PSMB4: variants seen among roughly 807,000 people sequenced by gnomAD.
PSMB4 encodes proteasome subunit beta type-4.
In PSMB4, 16 loss-of-function variants were observed where a neutral mutation model predicts 35.2. The observed-to-expected ratio is 0.45, with a 90% confidence interval of 0.31 to 0.69. The LOEUF (loss-of-function observed/expected upper bound fraction) is 0.69, where lower values mean the gene tolerates loss of function less well. PSMB4 is among the 30% of genes least tolerant of loss of function. The probability of loss-of-function intolerance (pLI) is 0.06; values close to 1 mark genes in which losing one functional copy is unlikely to be tolerated. For missense variants in PSMB4, 333 were observed against 351.8 expected (o/e 0.95, Z 0.43); for synonymous variants, 144 against 134.1 (o/e 1.07, Z -0.51).
Position 151,399,605 on chromosome 1 carries a change from G to C in PSMB4, c.18G>C (p.Gly6=). 1 of 1,611,928 alleles carries C rather than the reference G, an allele frequency of 6.2e-7. No homozygotes were observed. The highest frequency in any genetic ancestry group is 8.5e-7 in the Non-Finnish European group (1 of 1,179,212). Residue 6 remains glycine (G), a synonymous_variant, in exon 1 of 7, where the codon GGG becomes GGC. Transcript: ENST00000290541. ...TGACTAAGATGGAAGCGTTTTTGGGGTCGCGGTCCGGACTTTGGGCGGGGG... is the reference window on the plus strand; with the variant it reads ...TGACTAAGATGGAAGCGTTTTTGGGCTCGCGGTCCGGACTTTGGGCGGGGG... The part of the protein sequence containing the change: MEAFL[G]SRSGLWAGGP...
rs778252922 is a variant in PSMB4, at chr1:151,401,643, G to GA, written c.782+19dup. 3.8e-6 allele frequency: 6 copies of GA among 1,588,672 alleles called. No homozygotes were observed. In the Admixed American group the frequency reaches 6.7e-5, roughly 18 times the overall value. On this transcript the variant is annotated intron_variant, in intron 6 of 6. Transcript: ENST00000290541. ...CCCACATGATCAGGTGAGTAATAGG[G>GA]AAAAAATTGGTGACAGACTTGGGAG...
rs753700156 is a variant in PSMB4, at chr1:151,400,730, G to A, written c.495-34G>A. 29 of 1,611,360 alleles carry A rather than the reference G, an allele frequency of 1.8e-5. No homozygotes were observed. The East Asian group carries it at 5.8e-4, about 32-fold the overall frequency. Reference sequence around the variant, plus strand: ...CTTCTTCAGCTAAGATGAATCTAAGGTGAAATGAGTTTTGACCCATTGTGT... The same window carrying A: ...CTTCTTCAGCTAAGATGAATCTAAGATGAAATGAGTTTTGACCCATTGTGT... On this transcript the variant is annotated intron_variant, in intron 3 of 6. Transcript: ENST00000290541.
In PSMB4 at chr1:151,400,951, G is replaced by A. The variant is rs7517596; in HGVS notation, c.576+106G>A. 3.0e-3 allele frequency: 3,506 copies of A among 1,164,988 alleles called. 62 individuals are homozygous for A. The African/African-American group carries it at 0.042, about 14-fold the overall frequency. The allele number at this position is 1,164,988 out of a possible 1,614,324, so 72.2% of individuals were successfully genotyped here. A position where few individuals can be genotyped will look rare whatever the true frequency, so the allele number is the denominator to read the frequency against. Reference sequence around the variant, plus strand: ...CTGATATGAGGGATGGGCTGGGATCGCTATTACTGGGCAGATGGTTTTCTT... The same window carrying A: ...CTGATATGAGGGATGGGCTGGGATCACTATTACTGGGCAGATGGTTTTCTT... On this transcript the variant is annotated intron_variant, in intron 4 of 6. Coordinates refer to ENST00000290541, the MANE Select transcript of PSMB4 (RefSeq NM_002796.3).
intron 2 of PSMB4, 68 bp downstream of exon 2, chr1:151,400,255 T>C: frequency 1.3e-6 from 2 of 1,493,584 alleles, no homozygotes; most frequent in Non-Finnish European, 1.9e-6. Flanking sequence ...TTTTATTCCC[T>C]TCGATGGGAT....
Position 151,401,818 on chromosome 1 carries a change from G to A in PSMB4, c.784G>A (p.Gly262Ser), listed in dbSNP as rs1652854857. Residue 262 changes from glycine (G) to serine (S), a missense_variant and splice_region_variant, in exon 7 of 7, where the codon GGC becomes AGC. Physicochemically the swap from Gly to Ser is moderately conservative, Grantham distance 56 (BLOSUM62 0). Coordinates refer to ENST00000290541, the MANE Select transcript of PSMB4 (RefSeq NM_002796.3). ...TNWDIAHMIS[G>S]FE Reference sequence around the variant, plus strand: ...TATTATTCTGTCTTCCTTTTTTAGTGGCTTTGAATGAAATACAGATGCATT... The same window carrying A: ...TATTATTCTGTCTTCCTTTTTTAGTAGCTTTGAATGAAATACAGATGCATT... 1.2e-6 allele frequency: 2 copies of A among 1,610,472 alleles called. No individual in the cohort carries two copies. The highest frequency in any genetic ancestry group is 1.7e-6 in the Non-Finnish European group (2 of 1,176,758).
rs1652822563 is a variant in PSMB4, at chr1:151,401,303, T to A, written c.641T>A (p.Val214Glu). 3.1e-6 allele frequency: 5 copies of A among 1,614,144 alleles called. No individual in the cohort carries two copies. In the South Asian group the frequency reaches 3.3e-5, roughly 11 times the overall value. Residue 214 changes from valine to glutamate, a missense_variant, in exon 5 of 7, where the codon GTA (valine) becomes GAA (glutamate). Physicochemically the swap from Val to Glu is moderately radical, Grantham distance 121. Coordinates refer to ENST00000290541, the MANE Select transcript of PSMB4 (RefSeq NM_002796.3). ...AGCCAGACCGAGGCCCGCGACTTAG[T>A]AGAACGCTGCATGCGAGTGCTGTAC... ...VLSQTEARDL[V>E]ERCMRVLYYR...
chr1:151,401,178 G>C, intron 4 of PSMB4, 61 bp from the exon 5 acceptor site: 1 of 1,309,368 alleles, frequency 7.6e-7, no homozygotes, highest in Non-Finnish European at 1.1e-6. Context: ...CCATAGATTT[G>C]AGACAACTAG....
rs1652829205 is a variant in PSMB4 at position 151,401,411 on chromosome 1, G to A, written c.693+56G>A. The A allele has an allele frequency of 3.2e-6, 5 of 1,567,626 alleles. No individual in the cohort carries two copies. The Admixed American group carries it at 6.7e-5, about 21-fold the overall frequency. Reference sequence around the variant, plus strand: ...GGCTCTGGCTACTTGCAATCCCTGGGTCTCTATGCTTTGAAGAACAGATTG... The same window carrying A: ...GGCTCTGGCTACTTGCAATCCCTGGATCTCTATGCTTTGAAGAACAGATTG... On this transcript the variant is annotated intron_variant, in intron 5 of 6. Transcript: ENST00000290541.
At position 151,401,895 on chromosome 1, in the gene PSMB4, G is replaced by A. The variant is rs969200320; in HGVS notation, c.*66G>A. The A allele has an allele frequency of 4.9e-6, 7 of 1,433,636 alleles. No individual in the cohort carries two copies. The African/African-American group carries it at 7.1e-5, about 15-fold the overall frequency. 88.8% of individuals were successfully genotyped at this position (1,433,636 alleles called of 1,614,324 possible). A position where few individuals can be genotyped will look rare whatever the true frequency, so the allele number is the denominator to read the frequency against. ...TAACTTTGAACTTGGCTAGTTCAAAGATAGACTCTTCTTTTGTAAAGTAAA... is the reference window on the plus strand; with the variant it reads ...TAACTTTGAACTTGGCTAGTTCAAAAATAGACTCTTCTTTTGTAAAGTAAA... On this transcript the variant is annotated 3_prime_UTR_variant, in exon 7 of 7. Coordinates refer to ENST00000290541, the MANE Select transcript of PSMB4 (RefSeq NM_002796.3).
Position 151,401,363 on chromosome 1 carries a change from A to T in PSMB4, c.693+8A>T, listed in dbSNP as rs750893123. The T allele has an allele frequency of 1.9e-6, 3 of 1,613,404 alleles. No homozygotes were observed. The South Asian group carries it at 3.3e-5, about 18-fold the overall frequency. ...GCCCGTTCTTACAACCGGGTGAGGG[A>T]TGTGCTGGGAACCTAATTGGCGGGC... On this transcript the variant is annotated splice_region_variant and intron_variant, in intron 5 of 6. Coordinates refer to ENST00000290541, the MANE Select transcript of PSMB4 (RefSeq NM_002796.3).
Position 151,400,806 on chromosome 1 carries a change from C to T in PSMB4, c.537C>T (p.Ala179=). ...YVDMLGVAYE[A]PSLATGYGAY... Reference sequence around the variant, plus strand: ...ACATGCTTGGTGTAGCCTATGAAGCCCCTTCGCTGGCCACTGGTTATGGTG... The same window carrying T: ...ACATGCTTGGTGTAGCCTATGAAGCTCCTTCGCTGGCCACTGGTTATGGTG... Residue 179 remains alanine, a synonymous_variant, in exon 4 of 7, where the codon GCC becomes GCT. Coordinates refer to ENST00000290541, the MANE Select transcript of PSMB4 (RefSeq NM_002796.3). 4 of 1,614,158 alleles carry T rather than the reference C, an allele frequency of 2.5e-6. No homozygotes were observed. The highest frequency in any genetic ancestry group is 3.4e-6 in the Non-Finnish European group (4 of 1,180,020).
rs757243651 is a variant in PSMB4 at position 151,400,575 on chromosome 1, G to A, written c.481G>A (p.Ala161Thr). Residue 161 changes from alanine to threonine, a missense_variant, in exon 3 of 7, where the codon GCT (alanine) becomes ACT (threonine). Physicochemically the swap from Ala to Thr is moderately conservative, Grantham distance 58. Coordinates refer to ENST00000290541, the MANE Select transcript of PSMB4 (RefSeq NM_002796.3). ...LWNTMVIGGYADGESFLGYVD... is the reference protein window; with the variant it reads ...LWNTMVIGGYTDGESFLGYVD... ...GAACACCATGGTCATCGGAGGCTAT[G>A]CTGATGGAGAGAGGTTCATATGAAT... 7 of 1,614,168 alleles carry A rather than the reference G, an allele frequency of 4.3e-6. No homozygotes were observed. The highest frequency in any genetic ancestry group is 1.3e-5 in the African/African-American group (1 of 75,056).
chr1:151,400,150 G>C lies in PSMB4; in HGVS notation c.310G>C (p.Asp104His). Residue 104 changes from aspartate (D) to histidine (H), a missense_variant, in exon 2 of 7, where the codon GAT becomes CAT. By Grantham distance (81) the Asp-to-His change is moderately conservative (BLOSUM62 -1). Coordinates refer to ENST00000290541, the MANE Select transcript of PSMB4 (RefSeq NM_002796.3). ...TMLGASGDYA[D>H]FQYLKQVLGQ... is the part of the protein sequence containing the mutation. ...GCTGGGTGCCTCTGGCGACTACGCT[G>C]ATTTCCAGTATTTGAAGCAAGTTCT... The C allele has an allele frequency of 6.2e-7, 1 of 1,614,158 alleles. No homozygotes were observed. Among genetic ancestry groups the C allele is most frequent in the Non-Finnish European group, 8.5e-7 (1 of 1,180,040 alleles).
At position 151,399,691 on chromosome 1, in the gene PSMB4, C is replaced by T. The variant is rs1652750291; in HGVS notation, c.104C>T (p.Ala35Val). 1 of 1,614,154 alleles carries T rather than the reference C, an allele frequency of 6.2e-7. No individual in the cohort carries two copies. The highest frequency in any genetic ancestry group is 1.7e-5 in the Admixed American group (1 of 60,024). Reference sequence around the variant, plus strand: ...ACTCCCGATTCCTTCATGGATCCGGCGTCTGCACTTTACAGAGGTCCAATC... The same window carrying T: ...ACTCCCGATTCCTTCATGGATCCGGTGTCTGCACTTTACAGAGGTCCAATC... ...PSTPDSFMDP[A>V]SALYRGPITR... Residue 35 changes from alanine to valine, a missense_variant, in exon 1 of 7, where the codon GCG (alanine) becomes GTG (valine). By Grantham distance (64) the Ala-to-Val change is moderately conservative. Coordinates refer to ENST00000290541, the MANE Select transcript of PSMB4 (RefSeq NM_002796.3).
At position 151,399,732 on chromosome 1, in the gene PSMB4, G is replaced by A; in HGVS notation, c.140+5G>A. 6.2e-7 allele frequency: 1 copy of A among 1,613,990 alleles called. No homozygotes were observed. The highest frequency in any genetic ancestry group is 8.5e-7 in the Non-Finnish European group (1 of 1,180,018). On this transcript the variant is annotated splice_donor_5th_base_variant and intron_variant, in intron 1 of 6. Transcript: ENST00000290541. The stretch of plus-strand genomic sequence containing the variant: ...AGGTCCAATCACGCGGACCCAGTAA[G>A]TTCTCGGCGCTTTCGTTTGCGTAGC...
In PSMB4 at chr1:151,401,604, C is replaced by T. The variant is rs1365162573; in HGVS notation, c.756C>T (p.Thr252=). The change falls in exon 6 of 7, where the codon ACC becomes ACT. Residue 252 remains threonine (T), a synonymous_variant. Transcript: ENST00000290541. Reference sequence around the variant, plus strand: ...TAGAGGGACCATTGTCTACAGAGACCAACTGGGATATTGCCCACATGATCA... The same window carrying T: ...TAGAGGGACCATTGTCTACAGAGACTAACTGGGATATTGCCCACATGATCA... ...VEIEGPLSTE[T]NWDIAHMISG... 1 of 1,611,232 alleles carries T rather than the reference C, an allele frequency of 6.2e-7. No homozygotes were observed. The highest frequency in any genetic ancestry group is 8.5e-7 in the Non-Finnish European group (1 of 1,177,420).
intron 4 of PSMB4, 120 bp downstream of exon 4, chr1:151,400,965 G>A: frequency 9.3e-7 from 1 of 1,075,410 alleles, no homozygotes; most frequent in South Asian, 1.3e-5. Flanking sequence ...TTACTGGGCA[G>A]ATGGTTTTCT....
chr1:151,400,976 T>C (rs1652802055), intron 4 of PSMB4, 131 bp downstream of exon 4: 13 of 988,660 alleles, frequency 1.3e-5, no homozygotes, highest in Non-Finnish European at 1.8e-5. Context: ...ATGGTTTTCT[T>C]TGTAGTCTGG....
At position 151,399,924 on chromosome 1, in the gene PSMB4, G is replaced by A. The variant is rs907832103; in HGVS notation, c.141-57G>A. ...GAAAATCAGAAGCGCAGCTCAGTGC[G>A]CGGAAAGAGGGCGCAGTCCATCCCC... On this transcript the variant is annotated intron_variant, in intron 1 of 6. Coordinates refer to ENST00000290541, the MANE Select transcript of PSMB4 (RefSeq NM_002796.3). 5 of 1,563,544 alleles carry A rather than the reference G, an allele frequency of 3.2e-6. No individual in the cohort carries two copies. The African/African-American group carries it at 5.4e-5, about 17-fold the overall frequency.
Sources: gnomAD v4.1 joint callset for allele counts on GRCh38, gnomAD v4.1.1 for gene constraint, MANE v1.5 for transcripts, NCBI Gene and HGNC (gene_info 2026-07-23, HGNC 2026-07-21) for gene names.